Variants in GTF3A observed in about 807,000 individuals in gnomAD.
The protein encoded by GTF3A is transcription factor IIIA.
In GTF3A, 40 loss-of-function variants were observed where a neutral mutation model predicts 37.6. That is an observed-to-expected ratio of 1.06 (90% CI 0.83 to 1.38). GTF3A has a LOEUF of 1.38. Ranked by LOEUF, GTF3A falls within the 40% of genes most tolerant of loss-of-function variation. The probability of loss-of-function intolerance (pLI) is 0.00; values close to 1 mark genes in which losing one functional copy is unlikely to be tolerated. For missense variants in GTF3A, 500 were observed against 462.6 expected (o/e 1.08, Z -0.74); for synonymous variants, 191 against 166.7 (o/e 1.15, Z -1.12).
intron 4 of GTF3A, among the ~76,000 whole-genome samples, 188 bp downstream of exon 4, chr13:27,430,809 A>G (rs1045848870): frequency 1.3e-5 from 2 of 152,134 alleles, no homozygotes; most frequent in Non-Finnish European, 2.9e-5. Flanking sequence ...TTCCCTGTAG[A>G]TCCTGGATAT....
At position 27,433,320 on chromosome 13, in the gene GTF3A, A is replaced by T. The variant is rs1226609328; in HGVS notation, c.562+516A>T. Among the ~76,000 whole-genome samples the T allele has an allele frequency of 2.4e-4, 35 of 145,338 alleles. No individual in the cohort carries two copies. In the South Asian group the frequency reaches 2.8e-3, roughly 12 times the overall value. ...AATTTCCCAGGTCCTAGAATTTATG[A>T]TTTTTTTTTTTTTAAGAGGTTAGTA... is the stretch of plus-strand genomic sequence containing the variant. On this transcript the variant is annotated intron_variant, in intron 5 of 8. Transcript: ENST00000381140.
At position 27,424,651 on chromosome 13, in the gene GTF3A, G is replaced by T; in HGVS notation, c.-87G>T. 4 of 994,448 alleles carry T rather than the reference G, an allele frequency of 4.0e-6. No individual in the cohort carries two copies. Among genetic ancestry groups the T allele is most frequent in the Non-Finnish European group, 5.4e-6 (4 of 741,314 alleles). 61.6% of individuals were successfully genotyped at this position (994,448 alleles called of 1,614,324 possible). On this transcript the variant is annotated 5_prime_UTR_variant, in exon 1 of 9. Transcript: ENST00000381140. Reference sequence around the variant, plus strand: ...CCGGCGTCGCGCGAAGGTTCAGCAGGGAGCCGTGGGCCGGGCGCGCCGGTT... The same window carrying T: ...CCGGCGTCGCGCGAAGGTTCAGCAGTGAGCCGTGGGCCGGGCGCGCCGGTT...
intron 2 of GTF3A, among the ~76,000 whole-genome samples, chr13:27,428,309 C>A (rs1352286974): frequency 6.6e-6 from 1 of 152,144 alleles, no homozygotes; most frequent in African/African-American, 2.4e-5. Context: ...TTGCCAGATC[C>A]TGTAACTGAC....
rs1213224327 is a variant in GTF3A at position 27,435,699 on chromosome 13, C to T, written c.*102C>T. ...ATTACTGATGCAGAACATTTGATTC[C>T]TTATCATTTCCATGGTCTTTGTTCA... On this transcript the variant is annotated 3_prime_UTR_variant, in exon 9 of 9. Transcript: ENST00000381140. 1 of 1,613,992 alleles carries T rather than the reference C, an allele frequency of 6.2e-7. No homozygotes were observed. The highest frequency in any genetic ancestry group is 1.7e-5 in the Admixed American group (1 of 60,008).
In GTF3A at chr13:27,434,985, GC is replaced by G. The variant is rs1214586436; in HGVS notation, c.827del (p.Pro276LeufsTer15). ...ATCCTCTCCTTCCATGAGGAAAGCC[GC>G]CCTTTTGTGTGTGAACATGCTGGCT... On this transcript the variant is annotated frameshift_variant, in exon 7 of 9. Coordinates refer to ENST00000381140, the MANE Select transcript of GTF3A (RefSeq NM_002097.3). LOFTEE classifies it high-confidence loss of function. 1.2e-6 allele frequency: 2 copies of G among 1,611,422 alleles called. No homozygotes were observed. The highest frequency in any genetic ancestry group is 4.5e-5 in the East Asian group (2 of 44,882).
At chr13:27,430,766 T>A in intron 4 of GTF3A, 145 bp downstream of exon 4, 1 of 603,540 alleles carries the variant, frequency 1.7e-6, no homozygotes, top group Non-Finnish European at 3.0e-6. Flanking sequence ...TTGCCCACTT[T>A]TCGATGGATT....
At chr13:27,431,407 GTAGA>G (rs1382667620) in intron 4 of GTF3A, among the ~76,000 whole-genome samples, 2 of 152,150 alleles carry the variant, frequency 1.3e-5, no homozygotes, top group East Asian at 1.9e-4. Flanking sequence ...CGACCAATGA[GTAGA>G]TAAAGAAAAC....
chr13:27,425,191 C>A (rs751022400), intron 1 of GTF3A: 3 of 454,856 alleles, frequency 6.6e-6, no homozygotes, highest in Non-Finnish European at 1.2e-5. Context: ...CCAAGTGCCT[C>A]CCGTAATCTG....
chr13:27,434,008 C>A (rs1953683806), intron 5 of GTF3A, 131 bp from the exon 6 acceptor site: 2 of 620,742 alleles, frequency 3.2e-6, no homozygotes, highest in Admixed American at 2.8e-5. Flanking sequence ...TTATTCCCAC[C>A]TCAAGAGGCT....
At chr13:27,431,611 A>C (rs2760899) in intron 4 of GTF3A, among the ~76,000 whole-genome samples, 82,829 of 151,026 alleles carry the variant, frequency 0.55, 24,608 homozygotes, top group South Asian at 0.68. Flanking sequence ...TGATTTCATA[A>C]ACTTTGGGGA....
Position 27,435,012 on chromosome 13 carries a change from G to T in GTF3A, c.851G>T (p.Cys284Phe), listed in dbSNP as rs371495494. 3.7e-6 allele frequency: 6 copies of T among 1,605,098 alleles called. No individual in the cohort carries two copies. The African/African-American group carries it at 8.0e-5, about 21-fold the overall frequency. ...CCTTTTGTGTGTGAACATGCTGGCT[G>T]TGGCAAAACATTTGCAATGAAAGTA... The change falls in exon 7 of 9, where the codon TGT becomes TTT. Residue 284 changes from cysteine to phenylalanine, a missense_variant. Physicochemically the swap from Cys to Phe is radical, Grantham distance 205. Transcript: ENST00000381140.
intron 1 of GTF3A, 65 bp from the exon 2 acceptor site, chr13:27,427,027 T>A (rs1468445581): frequency 1.2e-6 from 1 of 856,320 alleles, no homozygotes; most frequent in African/African-American, 1.7e-5. Flanking sequence ...CAGTTTAAGC[T>A]TTTAAATAAT....
At position 27,424,828 on chromosome 13, in the gene GTF3A, C is replaced by G. The variant is rs1199062646; in HGVS notation, c.91C>G (p.Pro31Ala). The G allele has an allele frequency of 6.4e-7, 1 of 1,551,002 alleles. No individual in the cohort carries two copies. The change falls in exon 1 of 9, where the codon CCG becomes GCG. Residue 31 changes from proline to alanine, a missense_variant. By Grantham distance (27) the Pro-to-Ala change is conservative (BLOSUM62 -1). Coordinates refer to ENST00000381140, the MANE Select transcript of GTF3A (RefSeq NM_002097.3). ...AGCCGGCGAGAGCTCAGCTCCGACC[C>G]CGCCGCGCCCCGCGCTTCCCAGGAG...
chr13:27,426,937 G>A (rs143664182), intron 1 of GTF3A, among the ~76,000 whole-genome samples, 155 bp from the exon 2 acceptor site: 23 of 152,208 alleles, frequency 1.5e-4, no homozygotes, highest in African/African-American at 5.5e-4. Context: ...CTTTGTGCAG[G>A]AACACTGCGT....
chr13:27,434,010 C>T, intron 5 of GTF3A, 129 bp from the exon 6 acceptor site: 2 of 627,306 alleles, frequency 3.2e-6, no homozygotes, highest in Non-Finnish European at 5.8e-6. Flanking sequence ...ATTCCCACCT[C>T]AAGAGGCTGA....
Position 27,424,634 on chromosome 13 carries a change from G to C in GTF3A, c.-104G>C, listed in dbSNP as rs907921234. 1.8e-5 allele frequency: 14 copies of C among 780,616 alleles called. No homozygotes were observed. The highest frequency in any genetic ancestry group is 2.3e-5 in the Non-Finnish European group (13 of 572,622). 48.4% of individuals were successfully genotyped at this position (780,616 alleles called of 1,614,324 possible). ...GCGCTCCCGGAAGTGTGCCGGCGTCGCGCGAAGGTTCAGCAGGGAGCCGTG... is the reference window on the plus strand; with the variant it reads ...GCGCTCCCGGAAGTGTGCCGGCGTCCCGCGAAGGTTCAGCAGGGAGCCGTG... On this transcript the variant is annotated 5_prime_UTR_variant, in exon 1 of 9. Coordinates refer to ENST00000381140, the MANE Select transcript of GTF3A (RefSeq NM_002097.3).
chr13:27,426,541 C>CA (rs1174962224), intron 1 of GTF3A, among the ~76,000 whole-genome samples: 1 of 152,176 alleles, frequency 6.6e-6, no homozygotes, highest in Non-Finnish European at 1.5e-5. Flanking sequence ...TCCTGGGTTA[C>CA]AAAAGGTGGT....
rs71433222 is a variant in GTF3A at position 27,429,957 on chromosome 13, A to C, written c.390A>C (p.Lys130Asn). 6.7e-7 allele frequency: 1 copy of C among 1,491,170 alleles called. No individual in the cohort carries two copies. Among genetic ancestry groups the C allele is most frequent in the East Asian group, 2.5e-5 (1 of 40,278 alleles). The allele number at this position is 1,491,170 out of a possible 1,614,324, so 92.4% of individuals were successfully genotyped here. ...AACGCAAACATGAAAATCAACAAAA[A>C]CAATATATAGTAAGTATGATTTTAT... is the stretch of plus-strand genomic sequence containing the variant. Residue 130 changes from lysine to asparagine, a missense_variant, in exon 3 of 9, where the codon AAA becomes AAC. Transcript: ENST00000381140.
At chr13:27,433,524 A>C (rs568518743) in intron 5 of GTF3A, among the ~76,000 whole-genome samples, 9 of 47,060 alleles carry the variant, frequency 1.9e-4, no homozygotes, top group South Asian at 1.6e-3. Context: ...TAAAAAAAAA[A>C]AACAAAAAAA....
Sources: allele counts gnomAD v4.1 joint callset (sites outside exome capture counted in the v4.1 genomes callset), GRCh38; gene constraint gnomAD v4.1.1; transcripts MANE v1.5; gene names NCBI Gene and HGNC (gene_info 2026-07-23, HGNC 2026-07-21).